The following FER variants were observed in gnomAD, a reference collection of about 807,000 sequenced individuals.
FER encodes the protein FER tyrosine kinase, also known as tyrosine-protein kinase Fer.
Under a neutral mutation model 111.0 loss-of-function variants are expected in FER, and 63 were observed. The observed-to-expected ratio is 0.57, with a 90% CI of 0.46 to 0.70. FER has a LOEUF of 0.70. Among genes scored for constraint, FER ranks in the 30% least tolerant of loss-of-function variants. FER has a pLI of 0.00. For synonymous variants in FER, 327 were observed against 313.9 expected, an observed-to-expected ratio of 1.04 and a Z score of -0.44; for missense variants, 914 against 954.0, an observed-to-expected ratio of 0.96 and a Z score of 0.55.
intron 16 of FER, among the ~76,000 whole-genome samples, chr5:109,069,757 C>T (rs1432025657): frequency 6.6e-6 from 1 of 151,936 alleles, no homozygotes; most frequent in East Asian, 1.9e-4. Flanking sequence ...ATTGACGTCC[C>T]TGTGTTATTT....
intron 8 of FER, among the ~76,000 whole-genome samples, chr5:108,881,089 G>A (rs1765629367): frequency 1.3e-5 from 2 of 152,068 alleles, no homozygotes; most frequent in South Asian, 4.1e-4. Context: ...ACCTCTCAGA[G>A]TATTGATAAA....
Position 108,978,716 on chromosome 5 carries a change from A to G in FER, c.1656+19369A>G, listed in dbSNP as rs567651842. ...AGAATGTTTTAAAGAACAGAACACT[A>G]TATATACTCATAGATGCAAACTGTG... is the stretch of plus-strand genomic sequence containing the variant. On this transcript the variant is annotated intron_variant, in intron 13 of 19. Coordinates refer to ENST00000281092, the MANE Select transcript of FER (RefSeq NM_005246.4). Among the ~76,000 whole-genome samples the G allele has an allele frequency of 2.0e-5, 3 of 152,306 alleles. No homozygotes were observed. The East Asian group carries it at 5.8e-4, about 29-fold the overall frequency.
intron 5 of FER, among the ~76,000 whole-genome samples, chr5:108,837,053 A>C (rs1760741447): frequency 6.6e-6 from 1 of 152,172 alleles, no homozygotes; most frequent in Non-Finnish European, 1.5e-5. Context: ...TTTATCTTTA[A>C]ATTATCTAAA....
At chr5:109,187,306 T>G in intron 19 of FER, 127 bp from the exon 20 acceptor site, 1 of 919,516 alleles carries the variant, frequency 1.1e-6, no homozygotes, top group East Asian at 2.5e-5. Flanking sequence ...TCCCCAGAAA[T>G]GGATGTTTTG....
intron 17 of FER, among the ~76,000 whole-genome samples, chr5:109,135,491 G>C (rs1181880591): frequency 6.6e-6 from 1 of 152,074 alleles, no homozygotes; most frequent in African/African-American, 2.4e-5. Flanking sequence ...TTTGCAAGTC[G>C]CAATGGTTAC....
chr5:109,091,389 G>A (rs1026873273), intron 16 of FER, among the ~76,000 whole-genome samples: 10 of 152,208 alleles, frequency 6.6e-5, no homozygotes, highest in African/African-American at 2.4e-4. Context: ...ATAAACCTTG[G>A]TGGTGTCCAT....
chr5:108,757,193 A>G lies in FER; in HGVS notation c.-206+9193A>G, dbSNP rs1471143658. On this transcript the variant is annotated intron_variant, in intron 1 of 19. Transcript: ENST00000281092. ...TAGAAGTTTCAGCTATTTGGGAGCA[A>G]CTCTAAAGGTCTATGTTGAAATATT... Among the ~76,000 whole-genome samples, 7 of 152,134 alleles carry G rather than the reference A, an allele frequency of 4.6e-5. No homozygotes were observed. In the East Asian group the frequency reaches 1.3e-3, roughly 29 times the overall value.
At chr5:108,888,184 C>G (rs890804589) in intron 9 of FER, among the ~76,000 whole-genome samples, 6 of 151,638 alleles carry the variant, frequency 4.0e-5, no homozygotes, top group Non-Finnish European at 8.8e-5. Flanking sequence ...AATTCAGGAA[C>G]CTTACATTTT....
chr5:108,852,854 A>C (rs1324233377), intron 5 of FER, among the ~76,000 whole-genome samples: 1 of 152,212 alleles, frequency 6.6e-6, no homozygotes, highest in East Asian at 1.9e-4. Flanking sequence ...AAAGCTGTGC[A>C]GAAATTGGAA....
intron 5 of FER, among the ~76,000 whole-genome samples, chr5:108,839,705 G>A (rs1761061192): frequency 6.6e-6 from 1 of 151,074 alleles, no homozygotes; most frequent in Non-Finnish European, 1.5e-5. Flanking sequence ...AGCCTCTGGA[G>A]TAGCTGGGAC....
intron 10 of FER, among the ~76,000 whole-genome samples, chr5:108,934,507 T>C (rs901982509): frequency 1.3e-5 from 2 of 152,208 alleles, no homozygotes; most frequent in African/African-American, 2.4e-5. Flanking sequence ...GACCAACTTA[T>C]TTTTGTCTTG....
chr5:108,786,550 GAGTGC>G (rs977218253), intron 2 of FER, among the ~76,000 whole-genome samples: 4 of 152,086 alleles, frequency 2.6e-5, no homozygotes, highest in African/African-American at 9.7e-5. Flanking sequence ...ACACAGGCTG[GAGTGC>G]AGTGATGCGA....
At chr5:109,059,847 A>G (rs1227922019) in intron 16 of FER, among the ~76,000 whole-genome samples, 2 of 152,346 alleles carry the variant, frequency 1.3e-5, no homozygotes, top group East Asian at 3.9e-4. Flanking sequence ...TAAGAGAAAT[A>G]AAAACCTCTG....
At chr5:108,954,252 A>G (rs944391026) in intron 11 of FER, among the ~76,000 whole-genome samples, 2 of 152,138 alleles carry the variant, frequency 1.3e-5, no homozygotes, top group Admixed American at 1.3e-4. Context: ...GCAAGGCAGC[A>G]TCAAATAAAA....
Position 109,187,516 on chromosome 5 carries a change from CG to C in FER, c.2411del (p.Arg804ProfsTer66). 6.2e-7 allele frequency: 1 copy of C among 1,614,030 alleles called. No homozygotes were observed. The highest frequency in any genetic ancestry group is 8.5e-7 in the Non-Finnish European group (1 of 1,179,976). ...GTGTTGGGATTATAAACCTGAAAAT[CG>C]CCCTAAGTTCAGTGAACTTCAGAAA... ...MKCWDYKPEN[R>X]PKFSELQKEL... On this transcript the variant is annotated frameshift_variant, in exon 20 of 20. Coordinates refer to ENST00000281092, the MANE Select transcript of FER (RefSeq NM_005246.4). LOFTEE classifies it high-confidence loss of function.
intron 10 of FER, among the ~76,000 whole-genome samples, chr5:108,929,600 A>AT (rs529996209): frequency 0.11 from 16,692 of 147,714 alleles, 1,463 homozygotes; most frequent in African/African-American, 0.25. Context: ...GAAGGAGGTG[A>AT]TTTTTTTTTT....
intron 9 of FER, among the ~76,000 whole-genome samples, chr5:108,887,547 AAACC>A (rs1747369309): frequency 6.6e-6 from 1 of 151,672 alleles, no homozygotes; most frequent in African/African-American, 2.4e-5. Flanking sequence ...GAAAGAAATA[AAACC>A]AACCATTTGA....
At chr5:109,089,084 A>G (rs1030983469) in intron 16 of FER, among the ~76,000 whole-genome samples, 4 of 152,210 alleles carry the variant, frequency 2.6e-5, no homozygotes, top group Non-Finnish European at 4.4e-5. Context: ...AAATAGGGAG[A>G]CAGTCAGACT....
intron 14 of FER, among the ~76,000 whole-genome samples, chr5:109,040,465 G>A (rs890332671): frequency 5.3e-5 from 8 of 152,124 alleles, no homozygotes; most frequent in Non-Finnish European, 8.8e-5. Flanking sequence ...ATATACCAAG[G>A]AAGAGAGTGA....
Sources: gnomAD v4.1 joint callset for allele counts (sites outside exome capture counted in the v4.1 genomes callset) on GRCh38, gnomAD v4.1.1 for gene constraint, MANE v1.5 for transcripts, NCBI Gene and HGNC (gene_info 2026-07-23, HGNC 2026-07-21) for gene names.